Variants in CACTIN observed in about 807,000 individuals in gnomAD.
CACTIN encodes the protein splicing factor Cactin.
A neutral mutation model predicts 84.9 loss-of-function variants in CACTIN; 20 were observed. That is an observed-to-expected ratio of 0.24 (90% CI 0.17 to 0.34). The LOEUF is 0.34. Ranked by LOEUF, CACTIN falls within the 10% of genes least tolerant of loss-of-function variation. CACTIN has a pLI of 1.00. For synonymous variants in CACTIN, 549 were observed against 467.9 expected, an observed-to-expected ratio of 1.17 and a Z score of -2.24; for missense variants, 897 against 1,117.2, an observed-to-expected ratio of 0.80 and a Z score of 2.81.
chr19:3,620,010 C>A, intron 4 of CACTIN, 117 bp downstream of exon 4: 2 of 1,251,858 alleles, frequency 1.6e-6, no homozygotes, highest in Admixed American at 2.1e-5. Context: ...AGGGAAGGTC[C>A]CAGGAAGTGC....
Position 3,611,657 on chromosome 19 carries a change from A to T in CACTIN, c.*266T>A, listed in dbSNP as rs2032953617. 1 of 508,812 alleles carries T rather than the reference A, an allele frequency of 2.0e-6. No individual in the cohort carries two copies. The allele number at this position is 508,812 out of a possible 1,614,324, so 31.5% of individuals were successfully genotyped here. On this transcript the variant is annotated 3_prime_UTR_variant, in exon 10 of 10. Coordinates refer to ENST00000429344, the MANE Select transcript of CACTIN (RefSeq NM_001080543.2). Reference sequence around the variant, plus strand: ...CGGCTGCTGGCCACCCTCGTGCTCGAAAGATGCCCCTAGCGCCCCCTCCGT... The same window carrying T: ...CGGCTGCTGGCCACCCTCGTGCTCGTAAGATGCCCCTAGCGCCCCCTCCGT...
chr19:3,612,555 G>A (rs941052765), intron 9 of CACTIN, 142 bp from the exon 10 acceptor site: 69 of 1,259,714 alleles, frequency 5.5e-5, no homozygotes, highest in Non-Finnish European at 7.1e-5. Context: ...ATGGGGAGGG[G>A]ACAGGGCCTG....
At position 3,624,942 on chromosome 19, in the gene CACTIN, G is replaced by A. The variant is rs147753464; in HGVS notation, c.168-780C>T. Among the ~76,000 whole-genome samples the A allele has an allele frequency of 1.9e-3, 287 of 150,996 alleles. 1 individual carries two copies. The highest frequency in any genetic ancestry group is 6.8e-3 in the African/African-American group (273 of 40,358). On this transcript the variant is annotated intron_variant, in intron 1 of 9. Transcript: ENST00000429344. ...GACAGAGTCTCCCTCTGTCACACAG[G>A]CTGGAGTGCATGATCAGAGCTCACT...
intron 7 of CACTIN, chr19:3,613,979 A>G (rs902028435): frequency 5.1e-5 from 21 of 410,566 alleles, no homozygotes; most frequent in Non-Finnish European, 8.5e-5. Flanking sequence ...CACTCCAGAA[A>G]TCTGTACACA....
At chr19:3,625,413 C>T (rs2033313434) in intron 1 of CACTIN, among the ~76,000 whole-genome samples, 1 of 151,900 alleles carries the variant, frequency 6.6e-6, no homozygotes, top group Non-Finnish European at 1.5e-5. Context: ...AAATGGTAGG[C>T]GAAAAAACAC....
At chr19:3,625,329 C>T (rs1354981881) in intron 1 of CACTIN, among the ~76,000 whole-genome samples, 1 of 152,190 alleles carries the variant, frequency 6.6e-6, no homozygotes, top group Non-Finnish European at 1.5e-5. Flanking sequence ...ACAAGTTCAA[C>T]TGAATTTTCG....
chr19:3,614,477 G>T lies in CACTIN; in HGVS notation c.1275C>A (p.Ile425=). Residue 425 remains isoleucine (I), a synonymous_variant, in exon 7 of 10, where the codon ATC becomes ATA. Coordinates refer to ENST00000429344, the MANE Select transcript of CACTIN (RefSeq NM_001080543.2). ...TGTCCAGGTTGGGGCCACCAGCGCG[G>T]ATTTTGCCCTCGATGCCCTGGAAGA... is the stretch of plus-strand genomic sequence containing the variant. The part of the protein sequence containing the change: ...QVIFQGIEGK[I]RAGGPNLDMG... 1 of 1,601,944 alleles carries T rather than the reference G, an allele frequency of 6.2e-7. No homozygotes were observed. The highest frequency in any genetic ancestry group is 8.5e-7 in the Non-Finnish European group (1 of 1,174,384).
chr19:3,623,629 G>A (rs2033270676), intron 2 of CACTIN, 59 bp downstream of exon 2: 2 of 1,439,022 alleles, frequency 1.4e-6, no homozygotes, highest in Admixed American at 2.0e-5. Context: ...CAAGTGTTGG[G>A]GTCTCCAGAA....
chr19:3,622,612 G>C (rs2033246913), intron 2 of CACTIN, among the ~76,000 whole-genome samples: 1 of 152,242 alleles, frequency 6.6e-6, no homozygotes, highest in African/African-American at 2.4e-5. Context: ...GCCATGACTG[G>C]AGCTGGGAGA....
Position 3,611,087 on chromosome 19 carries a change from C to A in CACTIN, c.*836G>T. ...CAGGTGGGGGGATCCCTGGGGGAAG[C>A]CCCTCACCCTTCTCCAACCCCCAGC... On this transcript the variant is annotated 3_prime_UTR_variant, in exon 10 of 10. Coordinates refer to ENST00000429344, the MANE Select transcript of CACTIN (RefSeq NM_001080543.2). 2.5e-6 allele frequency: 1 copy of A among 393,764 alleles called. No homozygotes were observed. Among genetic ancestry groups the A allele is most frequent in the South Asian group, 1.9e-5 (1 of 53,746 alleles). 24.4% of individuals were successfully genotyped at this position (393,764 alleles called of 1,614,324 possible).
chr19:3,614,672 TG>T (rs781267837), intron 6 of CACTIN, 83 bp from the exon 7 acceptor site: 338 of 1,134,760 alleles, frequency 3.0e-4, no homozygotes, highest in Non-Finnish European at 4.0e-4. Flanking sequence ...TCCCCTGCCA[TG>T]GGGGGGTCCC....
Position 3,611,622 on chromosome 19 carries a change from G to A in CACTIN, c.*301C>T. 3 of 437,226 alleles carry A rather than the reference G, an allele frequency of 6.9e-6. No homozygotes were observed. The highest frequency in any genetic ancestry group is 6.1e-5 in the South Asian group (3 of 49,312). 27.1% of individuals were successfully genotyped at this position (437,226 alleles called of 1,614,324 possible). A position where few individuals can be genotyped will look rare whatever the true frequency, so the allele number is the denominator to read the frequency against. On this transcript the variant is annotated 3_prime_UTR_variant, in exon 10 of 10. Transcript: ENST00000429344. ...TGGAGAGTGTCCGCCTGGACGGTGA[G>A]GTCAGCTGGCGGCTGCTGGCCACCC... is the stretch of plus-strand genomic sequence containing the variant.
At position 3,623,986 on chromosome 19, in the gene CACTIN, G is replaced by A. The variant is rs1048684291; in HGVS notation, c.344C>T (p.Ala115Val). The A allele has an allele frequency of 1.2e-6, 2 of 1,604,892 alleles. No individual in the cohort carries two copies. Among genetic ancestry groups the A allele is most frequent in the Non-Finnish European group, 1.7e-6 (2 of 1,179,026 alleles). ...TCGCCCTGGAGACGCGGAGCTGGAT[G>A]CTGAGGAGCTAGGAGACCACGAGCG... is the stretch of plus-strand genomic sequence containing the variant. ...RARSWSPSSS[A>V]SSSASPGRSQ... is the part of the protein sequence containing the mutation. The change falls in exon 2 of 10, where the codon GCA (alanine) becomes GTA (valine). Residue 115 changes from alanine to valine, a missense_variant. Physicochemically the swap from Ala to Val is moderately conservative, Grantham distance 64. Around this residue, in one of 8 missense-constraint regions of CACTIN, gnomAD observed 261 missense variants for 243.8 expected, o/e 1.07. Transcript: ENST00000429344.
intron 2 of CACTIN, chr19:3,621,101 C>T (rs1010740883): frequency 1.6e-5 from 8 of 495,228 alleles, no homozygotes; most frequent in East Asian, 7.9e-5. Context: ...GGGCCTTGCT[C>T]GGGGCCACCC....
chr19:3,620,438 C>T, intron 3 of CACTIN, 166 bp from the exon 4 acceptor site: 1 of 844,524 alleles, frequency 1.2e-6, no homozygotes, highest in Non-Finnish European at 1.9e-6. Flanking sequence ...GGAGAGGGCC[C>T]TCCTGCCCGA....
In CACTIN at chr19:3,612,074, C is replaced by A. The variant is rs751426762; in HGVS notation, c.2126G>T (p.Arg709Leu). The part of the protein sequence containing the change: ...CADNKDFAIL[R>L]FHAGPPYEDI... ...CTCGTAGGGCGGCCCCGCGTGGAAGCGCAGGATGGCGAAATCCTTGTTGTC... is the reference window on the plus strand; with the variant it reads ...CTCGTAGGGCGGCCCCGCGTGGAAGAGCAGGATGGCGAAATCCTTGTTGTC... The change falls in exon 10 of 10, where the codon CGC (arginine) becomes CTC (leucine). Residue 709 changes from arginine (R) to leucine (L), a missense_variant. By Grantham distance (102) the Arg-to-Leu change is moderately radical. Transcript: ENST00000429344. 6.2e-7 allele frequency: 1 copy of A among 1,613,866 alleles called. No homozygotes were observed. The highest frequency in any genetic ancestry group is 8.5e-7 in the Non-Finnish European group (1 of 1,179,896).
chr19:3,624,173 G>A lies in CACTIN; in HGVS notation c.168-11C>T, dbSNP rs748190601. The A allele has an allele frequency of 1.3e-6, 2 of 1,538,448 alleles. No homozygotes were observed. The highest frequency in any genetic ancestry group is 2.7e-5 in the African/African-American group (2 of 73,354). On this transcript the variant is annotated splice_polypyrimidine_tract_variant and intron_variant, in intron 1 of 9. Coordinates refer to ENST00000429344, the MANE Select transcript of CACTIN (RefSeq NM_001080543.2). ...TCCTCTGAATCTGACCTGCGGAGAG[G>A]ACCATGGATGCCTGCTCAGTGCCTG...
Position 3,610,962 on chromosome 19 carries a change from C to T in CACTIN, c.*961G>A, listed in dbSNP as rs1456217278. 1 of 456,580 alleles carries T rather than the reference C, an allele frequency of 2.2e-6. No individual in the cohort carries two copies. The highest frequency in any genetic ancestry group is 4.4e-6 in the Non-Finnish European group (1 of 226,952). 28.3% of individuals were successfully genotyped at this position (456,580 alleles called of 1,614,324 possible). A position where few individuals can be genotyped will look rare whatever the true frequency, so the allele number is the denominator to read the frequency against. On this transcript the variant is annotated 3_prime_UTR_variant, in exon 10 of 10. Coordinates refer to ENST00000429344, the MANE Select transcript of CACTIN (RefSeq NM_001080543.2). ...GCTGTGGCACCCGTGTGGCCCTCGGCCCTCCTGGCCTGAGAAAGGGGAGTG... is the reference window on the plus strand; with the variant it reads ...GCTGTGGCACCCGTGTGGCCCTCGGTCCTCCTGGCCTGAGAAAGGGGAGTG...
At position 3,614,556 on chromosome 19, in the gene CACTIN, C is replaced by T; in HGVS notation, c.1196G>A (p.Ser399Asn). Reference protein sequence around the residue: ...ERREGVNASVSSDVQSVFKGK... With the variant: ...ERREGVNASVNSDVQSVFKGK... ...CTTGAACACCGACTGCACATCAGAGCTGACGGAGGCGTTGACCCCCTCGCG... is the reference window on the plus strand; with the variant it reads ...CTTGAACACCGACTGCACATCAGAGTTGACGGAGGCGTTGACCCCCTCGCG... Residue 399 changes from serine to asparagine, a missense_variant, in exon 7 of 10, where the codon AGC becomes AAC. By Grantham distance (46) the Ser-to-Asn change is conservative. Coordinates refer to ENST00000429344, the MANE Select transcript of CACTIN (RefSeq NM_001080543.2). 1.2e-6 allele frequency: 2 copies of T among 1,607,922 alleles called. No individual in the cohort carries two copies. Among genetic ancestry groups the T allele is most frequent in the South Asian group, 2.2e-5 (2 of 89,922 alleles).
Sources: allele counts gnomAD v4.1 joint callset (sites outside exome capture counted in the v4.1 genomes callset), GRCh38; gene constraint gnomAD v4.1.1; regional missense constraint gnomAD v4.1.1; transcripts MANE v1.5; gene names NCBI Gene and HGNC (gene_info 2026-07-23, HGNC 2026-07-21).